The following MYO1A variants were observed in gnomAD, a reference collection of about 807,000 sequenced individuals.
MYO1A encodes the protein myosin IA, also known as unconventional myosin-Ia.
Under a neutral mutation model 138.5 loss-of-function variants are expected in MYO1A, and 127 were observed. That is an observed-to-expected ratio of 0.92 (90% CI 0.79 to 1.06). The LOEUF (loss-of-function observed/expected upper bound fraction) is 1.06. Ranked by LOEUF, MYO1A falls within the 50% of genes least tolerant of loss-of-function variation. The pLI, the probability that MYO1A is intolerant of heterozygous loss-of-function variation, is 0.00. For synonymous variants in MYO1A, 477 were observed against 497.5 expected (o/e 0.96, Z 0.55); for missense variants, 1,211 against 1,288.8 (o/e 0.94, Z 0.92).
chr12:57,038,944 G>A lies in MYO1A; in HGVS notation c.1398C>T (p.Ser466=), dbSNP rs747583424. The change falls in exon 16 of 28, where the codon TCC becomes TCT. Residue 466 remains serine (S), a synonymous_variant. Transcript: ENST00000300119. ...ECLRPGVVSD[S]TFLAKLNQLF... is the part of the protein sequence containing the mutation. ...GCTGGTTCAGCTTTGCTAGGAAAGT[G>A]GAGTCACTGACCACCCCAGGCCGCA... is the stretch of plus-strand genomic sequence containing the variant. 9 of 1,614,096 alleles carry A rather than the reference G, an allele frequency of 5.6e-6. No homozygotes were observed. In the Admixed American group the frequency reaches 1.3e-4, roughly 24 times the overall value.
At chr12:57,036,469 G>T in intron 21 of MYO1A, 88 bp from the exon 22 acceptor site, 1 of 1,318,380 alleles carries the variant, frequency 7.6e-7, no homozygotes, top group Non-Finnish European at 1.1e-6. Context: ...GCAAAGACCT[G>T]AGTAAGATAA....
chr12:57,031,218 A>G (rs766508866), intron 22 of MYO1A, 44 bp from the exon 23 acceptor site: 5 of 1,612,872 alleles, frequency 3.1e-6, no homozygotes, highest in Non-Finnish European at 4.2e-6. Flanking sequence ...GATAAGAAAC[A>G]CTTCCTGACA....
Position 57,029,793 on chromosome 12 carries a change from C to G in MYO1A, c.2671G>C (p.Gly891Arg). The G allele has an allele frequency of 6.2e-7, 1 of 1,614,212 alleles. No homozygotes were observed. The change falls in exon 25 of 28, where the codon GGG (glycine) becomes CGG (arginine). Residue 891 changes from glycine to arginine, a missense_variant. Physicochemically the swap from Gly to Arg is moderately radical, Grantham distance 125. Transcript: ENST00000300119. ...KLQKLKGGEE[G>R]PVLMAEAVKK... The stretch of plus-strand genomic sequence containing the variant: ...ACGGCCTCTGCCATCAGAACAGGCC[C>G]CTCCTCCCCGCCTTTCAGCTTCTGC...
chr12:57,038,979 C>G lies in MYO1A; in HGVS notation c.1363G>C (p.Glu455Gln). The G allele has an allele frequency of 6.2e-7, 1 of 1,614,174 alleles. No individual in the cohort carries two copies. The highest frequency in any genetic ancestry group is 1.3e-5 in the African/African-American group (1 of 75,058). ...NQRGILAMLD[E>Q]ECLRPGVVSD... Reference sequence around the variant, plus strand: ...ACCACCCCAGGCCGCAGGCACTCCTCATCCAACATGGCCAGGATACCTCGC... The same window carrying G: ...ACCACCCCAGGCCGCAGGCACTCCTGATCCAACATGGCCAGGATACCTCGC... Residue 455 changes from glutamate (E) to glutamine (Q), a missense_variant, in exon 16 of 28, where the codon GAG (glutamate) becomes CAG (glutamine). Physicochemically the swap from Glu to Gln is conservative, Grantham distance 29. Transcript: ENST00000300119.
At chr12:57,045,384 G>A (rs1028623578) in intron 8 of MYO1A, among the ~76,000 whole-genome samples, 1 of 152,092 alleles carries the variant, frequency 6.6e-6, no homozygotes, top group African/African-American at 2.4e-5. Flanking sequence ...CACAAAGTTT[G>A]AAACAAGGGC....
intron 22 of MYO1A, among the ~76,000 whole-genome samples, chr12:57,035,721 G>C (rs984749489): frequency 6.6e-6 from 1 of 152,204 alleles, no homozygotes; most frequent in African/African-American, 2.4e-5. Flanking sequence ...CTCTGTCCCT[G>C]TTTTTCTCCC....
chr12:57,029,212 A>G lies in MYO1A; in HGVS notation c.2925T>C (p.His975=). The part of the protein sequence containing the change: ...SKGDFLLVSE[H]VIELLTKMYR... ...ACATTTTGGTCAGCAGTTCAATCAC[A>G]TGCTCGCTGACCAGCAGGAAGTCCC... is the stretch of plus-strand genomic sequence containing the variant. The change falls in exon 27 of 28, where the codon CAT becomes CAC. Residue 975 remains histidine, a synonymous_variant. Transcript: ENST00000300119. 2.5e-6 allele frequency: 4 copies of G among 1,614,030 alleles called. No homozygotes were observed. Among genetic ancestry groups the G allele is most frequent in the South Asian group, 1.1e-5 (1 of 91,066 alleles).
intron 10 of MYO1A, 138 bp downstream of exon 10, chr12:57,043,718 T>C (rs1363794234): frequency 4.5e-6 from 5 of 1,118,660 alleles, no homozygotes; most frequent in Non-Finnish European, 5.2e-6. Flanking sequence ...AGTGAGTCTG[T>C]TTAGGGGAGA....
Position 57,043,346 on chromosome 12 carries a change from A to G in MYO1A, c.905T>C (p.Ile302Thr), listed in dbSNP as rs754148442. 4 of 1,613,722 alleles carry G rather than the reference A, an allele frequency of 2.5e-6. No individual in the cohort carries two copies. Among genetic ancestry groups the G allele is most frequent in the Admixed American group, 1.7e-5 (1 of 60,008 alleles). ...GIRDGRGVREIGEMVGLNSEE... is the reference protein window; with the variant it reads ...GIRDGRGVRETGEMVGLNSEE... ...TGAATTCAAGCCCACCATCTCCCCA[A>G]TCTCCCGAACACCTGGGATAATGAG... The change falls in exon 11 of 28, where the codon ATT (isoleucine) becomes ACT (threonine). Residue 302 changes from isoleucine (I) to threonine (T), a missense_variant. Transcript: ENST00000300119.
intron 17 of MYO1A, 24 bp from the exon 18 acceptor site, chr12:57,038,093 C>T (rs1565643746): frequency 6.2e-7 from 1 of 1,612,110 alleles, no homozygotes; most frequent in East Asian, 2.2e-5. Flanking sequence ...GGGTAAGGCA[C>T]AGCCTTCAGG....
chr12:57,037,998 T>C lies in MYO1A; in HGVS notation c.1832A>G (p.Tyr611Cys), dbSNP rs1350108199. ...SSDLVATQAR[Y>C]LGLLENVRVR... is the part of the protein sequence containing the mutation. Reference sequence around the variant, plus strand: ...CCGTACGTTCTCCAGCAGTCCCAGGTACCGAGCCTGGGTTGCCACCAGGTC... The same window carrying C: ...CCGTACGTTCTCCAGCAGTCCCAGGCACCGAGCCTGGGTTGCCACCAGGTC... The change falls in exon 18 of 28, where the codon TAC becomes TGC. Residue 611 changes from tyrosine (Y) to cysteine (C), a missense_variant. Physicochemically the swap from Tyr to Cys is radical, Grantham distance 194. Transcript: ENST00000300119. The C allele has an allele frequency of 1.2e-6, 2 of 1,614,194 alleles. No homozygotes were observed. Among genetic ancestry groups the C allele is most frequent in the Admixed American group, 1.7e-5 (1 of 60,032 alleles).
rs751579342 is a variant in MYO1A, at chr12:57,043,142, T to C, written c.1028A>G (p.Asp343Gly). Residue 343 changes from aspartate to glycine, a missense_variant, in exon 12 of 28, where the codon GAC becomes GGC. By Grantham distance (94) the Asp-to-Gly change is moderately conservative. Coordinates refer to ENST00000300119, the MANE Select transcript of MYO1A (RefSeq NM_005379.4). The stretch of plus-strand genomic sequence containing the variant: ...GCTGTAGATGTTCTTAGCCAGGGCG[T>C]CCCGAGCATACTGAGCCTGTGGGTG... ...LNVMQAQYAR[D>G]ALAKNIYSRL... is the part of the protein sequence containing the mutation. The C allele has an allele frequency of 8.1e-6, 13 of 1,614,146 alleles. No individual in the cohort carries two copies. Among genetic ancestry groups the C allele is most frequent in the Non-Finnish European group, 1.1e-5 (13 of 1,180,030 alleles).
At chr12:57,036,165 C>G in intron 22 of MYO1A, 142 bp downstream of exon 22, 1 of 834,508 alleles carries the variant, frequency 1.2e-6, no homozygotes, top group Non-Finnish European at 2.1e-6. Flanking sequence ...CAGGTAGCTG[C>G]CCTCTTCTCC....
intron 22 of MYO1A, among the ~76,000 whole-genome samples, chr12:57,031,622 G>C (rs2030292650): frequency 6.6e-6 from 1 of 152,182 alleles, no homozygotes; most frequent in Non-Finnish European, 1.5e-5. Flanking sequence ...TTCAAAGGAA[G>C]AAGGAGCAAA....
intron 9 of MYO1A, 39 bp from the exon 10 acceptor site, chr12:57,044,042 T>C (rs756727857): frequency 6.2e-7 from 1 of 1,614,130 alleles, no homozygotes; most frequent in Admixed American, 1.7e-5. Context: ...GAACTGTTGG[T>C]GCCAGTCCAA....
Position 57,042,995 on chromosome 12 carries a change from C to T in MYO1A, c.1098+77G>A, listed in dbSNP as rs906935383. Reference sequence around the variant, plus strand: ...CTCCCTACTCTGCTCATCTCAGAAACCAAGATATAGGGCTGGTGACAGGGC... The same window carrying T: ...CTCCCTACTCTGCTCATCTCAGAAATCAAGATATAGGGCTGGTGACAGGGC... On this transcript the variant is annotated intron_variant, in intron 12 of 27. Coordinates refer to ENST00000300119, the MANE Select transcript of MYO1A (RefSeq NM_005379.4). 5 of 1,459,200 alleles carry T rather than the reference C, an allele frequency of 3.4e-6. No homozygotes were observed. The African/African-American group carries it at 7.0e-5, about 20-fold the overall frequency. 90.4% of individuals were successfully genotyped at this position (1,459,200 alleles called of 1,614,324 possible). A position where few individuals can be genotyped will look rare whatever the true frequency, so the allele number is the denominator to read the frequency against.
chr12:57,037,874 TC>T lies in MYO1A; in HGVS notation c.1955del (p.Gly652GlufsTer13), dbSNP rs1317775714. On this transcript the variant is annotated frameshift_variant, in exon 18 of 28. Transcript: ENST00000300119. LOFTEE classifies it high-confidence loss of function. ...GTCTCCCCATGGGGTCTTACCGGTCTCCCCCATTCCAGTGAGGCCAGGTGCT... is the reference window on the plus strand; with the variant it reads ...GTCTCCCCATGGGGTCTTACCGGTCTCCCCATTCCAGTGAGGCCAGGTGCT... ...SRSTWPHWNG[G>X]DREGVEKVLG... is the part of the protein sequence containing the mutation. The T allele has an allele frequency of 8.1e-6, 13 of 1,613,786 alleles. No homozygotes were observed. The highest frequency in any genetic ancestry group is 9.3e-6 in the Non-Finnish European group (11 of 1,179,934).
At chr12:57,038,724 A>T in intron 16 of MYO1A, 85 bp downstream of exon 16, 1 of 1,606,998 alleles carries the variant, frequency 6.2e-7, no homozygotes, top group South Asian at 1.1e-5. Flanking sequence ...AGTATTCCAG[A>T]CTCTCACCTT....
At position 57,038,490 on chromosome 12, in the gene MYO1A, G is replaced by A. The variant is rs143842507; in HGVS notation, c.1682C>T (p.Pro561Leu). ...NPKQASLKRP[P>L]TAGAQFKSSV... ...ACTCTTGAACTGGGCCCCAGCAGTC[G>A]GGGGGCGTTTGAGAGATGCCTGCTT... Residue 561 changes from proline (P) to leucine (L), a missense_variant, in exon 17 of 28, where the codon CCG becomes CTG. Coordinates refer to ENST00000300119, the MANE Select transcript of MYO1A (RefSeq NM_005379.4). The A allele has an allele frequency of 2.7e-5, 44 of 1,614,184 alleles. No homozygotes were observed. In the East Asian group the frequency reaches 4.9e-4, roughly 18 times the overall value.
Sources: gnomAD v4.1 joint callset for allele counts (sites outside exome capture counted in the v4.1 genomes callset) on GRCh38, gnomAD v4.1.1 for gene constraint, MANE v1.5 for transcripts, NCBI Gene and HGNC (gene_info 2026-07-23, HGNC 2026-07-21) for gene names.